KCNJ16: variants seen among roughly 807,000 people sequenced by gnomAD.
KCNJ16 encodes the protein potassium inwardly rectifying channel subfamily J member 16.
A neutral mutation model predicts 18.5 loss-of-function variants in KCNJ16; 15 were observed. That is an observed-to-expected ratio of 0.81 (90% CI 0.54 to 1.25). The LOEUF (loss-of-function observed/expected upper bound fraction) is 1.25, where lower values mean the gene tolerates loss of function less well. KCNJ16 is among the 50% of genes most tolerant of loss of function. The probability of loss-of-function intolerance (pLI) is 0.00; values close to 1 mark genes in which losing one functional copy is unlikely to be tolerated. For synonymous variants in KCNJ16, 174 were observed against 186.5 expected (o/e 0.93, Z 0.55); for missense variants, 523 against 525.7 (o/e 0.99, Z 0.05).
chr17:70,122,865 C>A (rs1372054965), intron 2 of KCNJ16, among the ~76,000 whole-genome samples: 1 of 152,182 alleles, frequency 6.6e-6, no homozygotes, highest in Non-Finnish European at 1.5e-5. Context: ...ACTCCTAGAT[C>A]ATGTGGCCCT....
At chr17:70,088,488 T>G (rs1380701310) in intron 1 of KCNJ16, among the ~76,000 whole-genome samples, 2 of 152,190 alleles carry the variant, frequency 1.3e-5, no homozygotes, top group Non-Finnish European at 2.9e-5. Context: ...GCCTGGGGGT[T>G]GAGGACCCCT....
chr17:70,124,298 T>C (rs1165895545), intron 2 of KCNJ16, among the ~76,000 whole-genome samples: 1 of 152,196 alleles, frequency 6.6e-6, no homozygotes, highest in African/African-American at 2.4e-5. Context: ...TAGTTACTGC[T>C]ATCAGAGATT....
intron 2 of KCNJ16, among the ~76,000 whole-genome samples, chr17:70,112,516 T>A (rs1444020897): frequency 6.6e-6 from 1 of 151,638 alleles, no homozygotes; most frequent in Non-Finnish European, 1.5e-5. Context: ...AAAAAAAAAA[T>A]AGTGTTGGTT....
intron 2 of KCNJ16, chr17:70,101,189 T>TG (rs1293818878): frequency 6.6e-6 from 1 of 152,134 alleles, no homozygotes; most frequent in African/African-American, 2.4e-5. Flanking sequence ...TACTGGGGTT[T>TG]GGGGTCATAC....
chr17:70,093,732 C>T (rs554388043), intron 1 of KCNJ16, among the ~76,000 whole-genome samples: 36 of 152,274 alleles, frequency 2.4e-4, no homozygotes, highest in African/African-American at 7.9e-4. Flanking sequence ...CTTTCTTTTA[C>T]TGTGCTTTTA....
At chr17:70,111,746 G>C (rs1363414531) in intron 2 of KCNJ16, among the ~76,000 whole-genome samples, 1 of 152,008 alleles carries the variant, frequency 6.6e-6, no homozygotes, top group African/African-American at 2.4e-5. Context: ...TCCCATGGTA[G>C]TAAGTCTCAC....
chr17:70,103,311 T>TAC (rs2072751515), intron 2 of KCNJ16, among the ~76,000 whole-genome samples: 1 of 16,890 alleles, frequency 5.9e-5, no homozygotes, highest in Non-Finnish European at 1.5e-4. Context: ...TATATATATA[T>TAC]ATATATATAT....
intron 2 of KCNJ16, among the ~76,000 whole-genome samples, chr17:70,115,386 A>G (rs1257285891): frequency 6.6e-6 from 1 of 152,086 alleles, no homozygotes; most frequent in Admixed American, 6.6e-5. Context: ...TGCATCATGA[A>G]TACATAATTG....
At chr17:70,085,381 G>T (rs2071748680) in intron 1 of KCNJ16, among the ~76,000 whole-genome samples, 1 of 152,182 alleles carries the variant, frequency 6.6e-6, no homozygotes, top group African/African-American at 2.4e-5. Flanking sequence ...GGCACTGAAA[G>T]GTCGGGATGT....
At chr17:70,105,516 G>A (rs1032323378) in intron 2 of KCNJ16, among the ~76,000 whole-genome samples, 2 of 152,066 alleles carry the variant, frequency 1.3e-5, no homozygotes, top group East Asian at 1.9e-4. Flanking sequence ...AAGTAGCATC[G>A]CAAATTTGAA....
chr17:70,110,679 T>C (rs1015697842), intron 2 of KCNJ16, among the ~76,000 whole-genome samples: 2 of 152,176 alleles, frequency 1.3e-5, no homozygotes, highest in African/African-American at 2.4e-5. Context: ...CCACACTGGA[T>C]TGTTTTTCCT....
Position 70,135,004 on chromosome 17 carries a change from T to C in KCNJ16, c.*1660T>C, listed in dbSNP as rs2074179024. The C allele has an allele frequency of 7.0e-6, 1 of 142,758 alleles. No individual in the cohort carries two copies. Among genetic ancestry groups the C allele is most frequent in the African/African-American group, 3.0e-5 (1 of 32,928 alleles). The allele number at this position is 142,758 out of a possible 1,614,324, so 8.8% of individuals were successfully genotyped here. On this transcript the variant is annotated 3_prime_UTR_variant, in exon 4 of 4. Transcript: ENST00000392671. ...CTCATCCTTCCCTTTCTCCTTCTTT[T>C]CCCTTTTTTTTTTTTTTTTGACCTG...
At position 70,133,148 on chromosome 17, in the gene KCNJ16, A is replaced by G; in HGVS notation, c.1061A>G (p.Glu354Gly). The stretch of plus-strand genomic sequence containing the variant: ...TGGAAAGACCAGCAGCTCCACATAG[A>G]AAAAGCACCACCAGTTCGAGAATCC... ...LDWKDQQLHI[E>G]KAPPVRESCT... is the part of the protein sequence containing the mutation. The change falls in exon 4 of 4, where the codon GAA becomes GGA. Residue 354 changes from glutamate (E) to glycine (G), a missense_variant. Physicochemically the swap from Glu to Gly is moderately conservative, Grantham distance 98. Coordinates refer to ENST00000392671, the MANE Select transcript of KCNJ16 (RefSeq NM_170741.4). 1.2e-6 allele frequency: 2 copies of G among 1,614,208 alleles called. No homozygotes were observed. The highest frequency in any genetic ancestry group is 1.1e-5 in the South Asian group (1 of 91,086).
At chr17:70,079,954 C>A (rs1011668599) in intron 1 of KCNJ16, among the ~76,000 whole-genome samples, 1 of 152,186 alleles carries the variant, frequency 6.6e-6, no homozygotes. Context: ...CCACCCACTT[C>A]GGCCTCCCAA....
intron 1 of KCNJ16, among the ~76,000 whole-genome samples, chr17:70,093,040 G>A (rs1251545790): frequency 6.6e-6 from 1 of 152,150 alleles, no homozygotes; most frequent in East Asian, 1.9e-4. Flanking sequence ...CAGTCAAGCT[G>A]ACACATAAAA....
intron 2 of KCNJ16, among the ~76,000 whole-genome samples, chr17:70,118,368 C>CTGCATG (rs757096455): frequency 6.6e-6 from 1 of 151,718 alleles, no homozygotes; most frequent in Non-Finnish European, 1.5e-5. Context: ...TGTAACAAAC[C>CTGCATG]TGCATGTTCT....
At chr17:70,078,868 T>C (rs1483639269) in intron 1 of KCNJ16, among the ~76,000 whole-genome samples, 1 of 152,168 alleles carries the variant, frequency 6.6e-6, no homozygotes, top group Non-Finnish European at 1.5e-5. Context: ...GGCAGGTTAA[T>C]ATTGTCCTGC....
chr17:70,131,194 CA>C lies in KCNJ16; in HGVS notation c.-94+234del, dbSNP rs36047658. On this transcript the variant is annotated intron_variant, in intron 3 of 3. Coordinates refer to ENST00000392671, the MANE Select transcript of KCNJ16 (RefSeq NM_170741.4). ...AGGGAAAGAGAAGAGCTGCCAGTGTCAAAAAAAAAAAAAAAGAAAGAAAGAA... is the reference window on the plus strand; with the variant it reads ...AGGGAAAGAGAAGAGCTGCCAGTGTCAAAAAAAAAAAAAAGAAAGAAAGAA... Among the ~76,000 whole-genome samples, 6,966 of 85,622 alleles carry C rather than the reference CA, an allele frequency of 0.081. 195 individuals are homozygous for C. Among genetic ancestry groups the C allele is most frequent in the African/African-American group, 0.14 (4,070 of 29,236 alleles). The allele number at this position is 85,622 out of a possible 152,430, so 56.2% of individuals were successfully genotyped here. A position where few individuals can be genotyped will look rare whatever the true frequency, so the allele number is the denominator to read the frequency against.
intron 2 of KCNJ16, among the ~76,000 whole-genome samples, chr17:70,121,540 T>C (rs1410425759): frequency 6.6e-6 from 1 of 152,198 alleles, no homozygotes; most frequent in Non-Finnish European, 1.5e-5. Flanking sequence ...ATGTTAGATG[T>C]ATCAATCTGC....
Sources: allele counts gnomAD v4.1 joint callset (sites outside exome capture counted in the v4.1 genomes callset), GRCh38; gene constraint gnomAD v4.1.1; transcripts MANE v1.5; gene names NCBI Gene and HGNC (gene_info 2026-07-23, HGNC 2026-07-21).